The following UBE2O variants were observed in gnomAD, a reference collection of about 807,000 sequenced individuals.
UBE2O encodes the protein ubiquitin conjugating enzyme E2 O.
Under a neutral mutation model 125.8 loss-of-function variants are expected in UBE2O, and 15 were observed. The observed-to-expected ratio is 0.12, with a 90% confidence interval of 0.08 to 0.18. The LOEUF is 0.18. UBE2O is among the 10% of genes least tolerant of loss of function. The pLI is 1.00. For missense variants in UBE2O, 1,280 were observed against 1,723.6 expected (o/e 0.74, Z 4.56); for synonymous variants, 708 against 703.2 (o/e 1.01, Z -0.11).
intron 1 of UBE2O, among the ~76,000 whole-genome samples, chr17:76,438,300 T>C (rs921435907): frequency 1.3e-5 from 2 of 152,212 alleles, no homozygotes; most frequent in Non-Finnish European, 2.9e-5. Flanking sequence ...TTAATGGCAC[T>C]GAACTGTTTA....
chr17:76,390,033 T>C lies in UBE2O; in HGVS notation c.*910A>G, dbSNP rs1345784929. ...TCCCCTTCGGATTGAGCCTGCAGTTTGTAAGCGAAGGGCTGACAGTAGGCC... is the reference window on the plus strand; with the variant it reads ...TCCCCTTCGGATTGAGCCTGCAGTTCGTAAGCGAAGGGCTGACAGTAGGCC... On this transcript the variant is annotated 3_prime_UTR_variant, in exon 18 of 18. Coordinates refer to ENST00000319380, the MANE Select transcript of UBE2O (RefSeq NM_022066.4). The C allele has an allele frequency of 6.6e-6, 1 of 152,514 alleles. No homozygotes were observed. The highest frequency in any genetic ancestry group is 2.4e-5 in the African/African-American group (1 of 41,432). 9.4% of individuals were successfully genotyped at this position (152,514 alleles called of 1,614,324 possible). A position where few individuals can be genotyped will look rare whatever the true frequency, so the allele number is the denominator to read the frequency against.
chr17:76,396,430 G>A lies in UBE2O; in HGVS notation c.2507C>T (p.Ser836Leu), dbSNP rs767520658. The A allele has an allele frequency of 1.1e-5, 18 of 1,613,988 alleles. No individual in the cohort carries two copies. Among genetic ancestry groups the A allele is most frequent in the Non-Finnish European group, 1.4e-5 (17 of 1,180,026 alleles). The change falls in exon 14 of 18, where the codon TCG (serine) becomes TTG (leucine). Residue 836 changes from serine (S) to leucine (L), a missense_variant. By Grantham distance (145) the Ser-to-Leu change is moderately radical. Coordinates refer to ENST00000319380, the MANE Select transcript of UBE2O (RefSeq NM_022066.4). This position sits in a 1 kb window ranked among gnomAD's most constrained non-coding sequence, Gnocchi z 6.7. ...AGGCTCCACAGTCGGAGAGGTGGGC[G>A]AGCCCGTCAGCAGCTGCTCCACAGT... ...NMTVEQLLTGSPTSPTVEPEK... is the reference protein window; with the variant it reads ...NMTVEQLLTGLPTSPTVEPEK...
intron 1 of UBE2O, among the ~76,000 whole-genome samples, chr17:76,432,099 G>C (rs2072916179): frequency 6.6e-6 from 1 of 152,140 alleles, no homozygotes; most frequent in South Asian, 2.1e-4. Flanking sequence ...AGCAGCACAT[G>C]TGCCCCTCAG....
At chr17:76,415,711 A>G (rs2072589837) in intron 1 of UBE2O, among the ~76,000 whole-genome samples, 1 of 151,848 alleles carries the variant, frequency 6.6e-6, no homozygotes, top group African/African-American at 2.4e-5. Flanking sequence ...AGGCCGAGGT[A>G]GGAGAATTGC....
intron 15 of UBE2O, among the ~76,000 whole-genome samples, chr17:76,393,482 C>G (rs1011140779): frequency 1.3e-5 from 2 of 151,992 alleles, no homozygotes; most frequent in African/African-American, 2.4e-5. Flanking sequence ...ATCCGCCCAC[C>G]TTGGCCTCCC....
intron 1 of UBE2O, among the ~76,000 whole-genome samples, chr17:76,414,490 G>A (rs2072565998): frequency 6.6e-6 from 1 of 152,226 alleles, no homozygotes; most frequent in Non-Finnish European, 1.5e-5. Context: ...GGGGAAGGCA[G>A]GAGGACCGGG....
chr17:76,433,507 A>C (rs905303711), intron 1 of UBE2O, among the ~76,000 whole-genome samples: 1 of 151,506 alleles, frequency 6.6e-6, no homozygotes, highest in African/African-American at 2.4e-5. Context: ...AAAATTAGAT[A>C]GCGGTGATGA....
chr17:76,391,654 C>G lies in UBE2O; in HGVS notation c.3209-41G>C. 1 of 1,600,684 alleles carries G rather than the reference C, an allele frequency of 6.2e-7. No individual in the cohort carries two copies. Among genetic ancestry groups the G allele is most frequent in the South Asian group, 1.1e-5 (1 of 89,044 alleles). On this transcript the variant is annotated intron_variant, in intron 17 of 17. Transcript: ENST00000319380. The surrounding 1 kb of genome is among the most constrained non-coding windows in gnomAD (Gnocchi z 8.4). ...ACCTTCCCTCAGTGGGTGAGAGAGGCCCACAATGCAGGCCTACCCTCCACC... is the reference window on the plus strand; with the variant it reads ...ACCTTCCCTCAGTGGGTGAGAGAGGGCCACAATGCAGGCCTACCCTCCACC...
chr17:76,413,946 G>A (rs935230343), intron 1 of UBE2O, among the ~76,000 whole-genome samples: 4 of 152,244 alleles, frequency 2.6e-5, no homozygotes, highest in South Asian at 2.1e-4. Context: ...TCCTAAGCCC[G>A]AGTTTCCAGT....
At chr17:76,409,690 G>A (rs1211554867) in intron 1 of UBE2O, among the ~76,000 whole-genome samples, 3 of 152,158 alleles carry the variant, frequency 2.0e-5, no homozygotes, top group African/African-American at 7.2e-5. Flanking sequence ...CACCGCCCCT[G>A]GCAAACACAC....
At chr17:76,414,561 G>C (rs1326353858) in intron 1 of UBE2O, among the ~76,000 whole-genome samples, 1 of 152,226 alleles carries the variant, frequency 6.6e-6, no homozygotes, top group Admixed American at 6.5e-5. Flanking sequence ...CACCCTCTCT[G>C]ATCTCACAAC....
chr17:76,410,401 A>T lies in UBE2O; in HGVS notation c.418-4829T>A, dbSNP rs567908958. 2.8e-4 allele frequency among the ~76,000 whole-genome samples: 42 copies of T among 152,188 alleles called. No homozygotes were observed. The highest frequency in any genetic ancestry group is 9.2e-4 in the African/African-American group (38 of 41,512). ...GTGGGGGTTCTGGTATCTAGTGGGC[A>T]GAGGCCAGAATGCTGAGCATCTAAC... On this transcript the variant is annotated intron_variant, in intron 1 of 17. Transcript: ENST00000319380. This position sits in a 1 kb window ranked among gnomAD's most constrained non-coding sequence, Gnocchi z 4.0.
chr17:76,453,101 G>T lies in UBE2O; in HGVS notation c.41C>A (p.Pro14Gln). Residue 14 changes from proline (P) to glutamine (Q), a missense_variant, in exon 1 of 18, where the codon CCA (proline) becomes CAA (glutamine). This residue lies in a region of UBE2O where 188 missense variants were observed against 192.5 expected (regional missense o/e 0.98). Transcript: ENST00000319380. The stretch of plus-strand genomic sequence containing the variant: ...CGGGGCTGGAGCCGGGGCCTGGGCT[G>T]GAGCGGGAGCTGCGGGCGTGGGGGC... ...PAAPTPAAPA[P>Q]AQAPAPAPEA... 1 of 941,612 alleles carries T rather than the reference G, an allele frequency of 1.1e-6. No homozygotes were observed. Among genetic ancestry groups the T allele is most frequent in the Middle Eastern group, 3.6e-4 (1 of 2,746 alleles). 58.3% of individuals were successfully genotyped at this position (941,612 alleles called of 1,614,324 possible).
Position 76,410,189 on chromosome 17 carries a change from G to A in UBE2O, c.418-4617C>T, listed in dbSNP as rs375011301. The stretch of plus-strand genomic sequence containing the variant: ...TATCCTGAGCAAGATGGAAGCCCCT[G>A]AAGGCCTCCACTCAGAGCCCTGCCT... On this transcript the variant is annotated intron_variant, in intron 1 of 17. Transcript: ENST00000319380. This position sits in a 1 kb window ranked among gnomAD's most constrained non-coding sequence, Gnocchi z 4.0. Among the ~76,000 whole-genome samples the A allele has an allele frequency of 3.9e-5, 6 of 152,222 alleles. No individual in the cohort carries two copies. The highest frequency in any genetic ancestry group is 1.4e-4 in the African/African-American group (6 of 41,522).
At chr17:76,406,704 T>TTG in intron 1 of UBE2O, among the ~76,000 whole-genome samples, 1 of 135,528 alleles carries the variant, frequency 7.4e-6, no homozygotes. Context: ...TTTTTTTTTT[T>TTG]TTTTTTTTTT....
intron 1 of UBE2O, among the ~76,000 whole-genome samples, chr17:76,423,460 G>A (rs575532583): frequency 1.3e-5 from 2 of 152,116 alleles, no homozygotes; most frequent in East Asian, 3.9e-4. Context: ...TCGGGAGGCC[G>A]AGGTGGGAGG....
In UBE2O at chr17:76,399,915, G is replaced by A. The variant is rs770891960; in HGVS notation, c.1162C>T (p.Arg388Cys). The change falls in exon 9 of 18, where the codon CGC (arginine) becomes TGC (cysteine). Residue 388 changes from arginine to cysteine, a missense_variant. Arg to Cys is a radical substitution (Grantham distance 180). Coordinates refer to ENST00000319380, the MANE Select transcript of UBE2O (RefSeq NM_022066.4). This position sits in a 1 kb window ranked among gnomAD's most constrained non-coding sequence, Gnocchi z 6.9. Reference protein sequence around the residue: ...GEGSMAKKVKRLLKKQVVRIM... With the variant: ...GEGSMAKKVKCLLKKQVVRIM... ...CGCACAACCTGCTTCTTCAACAGGC[G>A]CTTCACCTGCAAGGGCGGAGCAGAG... 2.5e-6 allele frequency: 4 copies of A among 1,600,630 alleles called. No individual in the cohort carries two copies. Among genetic ancestry groups the A allele is most frequent in the Admixed American group, 1.7e-5 (1 of 59,088 alleles).
chr17:76,434,773 GCTT>G (rs1009270683), intron 1 of UBE2O, among the ~76,000 whole-genome samples: 2 of 142,672 alleles, frequency 1.4e-5, no homozygotes, highest in Non-Finnish European at 1.5e-5. Flanking sequence ...TTTCACTTAA[GCTT>G]TTTTTTTTTT....
chr17:76,398,147 A>T lies in UBE2O; in HGVS notation c.2025+108T>A, dbSNP rs2072249214. On this transcript the variant is annotated intron_variant, in intron 12 of 17. Transcript: ENST00000319380. This position sits in a 1 kb window ranked among gnomAD's most constrained non-coding sequence, Gnocchi z 5.4. The stretch of plus-strand genomic sequence containing the variant: ...GCCCTTCTGAGGACACTGAGCCCAG[A>T]GGACTTTCAGGTCTTGTCTCCTAGA... The T allele has an allele frequency of 2.0e-6, 3 of 1,480,730 alleles. No individual in the cohort carries two copies. The highest frequency in any genetic ancestry group is 1.4e-5 in the African/African-American group (1 of 72,448). The allele number at this position is 1,480,730 out of a possible 1,614,324, so 91.7% of individuals were successfully genotyped here.
Sources: gnomAD v4.1 joint callset for allele counts (sites outside exome capture counted in the v4.1 genomes callset) on GRCh38, gnomAD v4.1.1 for gene constraint, gnomAD v4.1.1 regional missense constraint, Gnocchi (gnomAD v3.1) non-coding constraint, MANE v1.5 for transcripts, NCBI Gene and HGNC (gene_info 2026-07-23, HGNC 2026-07-21) for gene names.